The following TAC3 variants were observed in gnomAD, a reference collection of about 807,000 sequenced individuals.
TAC3 encodes tachykinin-3.
A neutral mutation model predicts 16.5 loss-of-function variants in TAC3; 9 were observed. The ratio of observed to expected loss-of-function variants is 0.55; its 90% confidence interval spans 0.33 to 0.95. TAC3 has a LOEUF of 0.95. Among genes scored for constraint, TAC3 ranks in the 40% least tolerant of loss-of-function variants. The pLI, the probability that TAC3 is intolerant of heterozygous loss-of-function variation, is 0.03. For missense variants in TAC3, 129 were observed against 149.1 expected (o/e 0.87, Z 0.70); for synonymous variants, 52 against 56.7 (o/e 0.92, Z 0.37).
intron 4 of TAC3, 177 bp from the exon 5 acceptor site, chr12:57,013,052 C>A: frequency 1.2e-6 from 1 of 842,892 alleles, no homozygotes. Context: ...GCTCACCTTT[C>A]CTTCCTCCAC....
At position 57,010,215 on chromosome 12, in the gene TAC3, G is replaced by A; in HGVS notation, c.*75C>T. ...GAACAGGGAAGAGAAAGGGTAACAGGAGCGTGCGCACCTGGGGATTGGGAC... is the reference window on the plus strand; with the variant it reads ...GAACAGGGAAGAGAAAGGGTAACAGAAGCGTGCGCACCTGGGGATTGGGAC... On this transcript the variant is annotated 3_prime_UTR_variant, in exon 7 of 7. Coordinates refer to ENST00000458521, the MANE Select transcript of TAC3 (RefSeq NM_013251.4). 2.2e-6 allele frequency: 1 copy of A among 454,072 alleles called. No individual in the cohort carries two copies. The highest frequency in any genetic ancestry group is 4.4e-6 in the Non-Finnish European group (1 of 226,782). 28.1% of individuals were successfully genotyped at this position (454,072 alleles called of 1,614,324 possible).
At chr12:57,013,219 G>T in intron 4 of TAC3, 140 bp downstream of exon 4, 1 of 1,133,160 alleles carries the variant, frequency 8.8e-7, no homozygotes, top group Non-Finnish European at 1.3e-6. Flanking sequence ...TCCCTTTCAG[G>T]AAAGGTTGGC....
rs1956276028 is a variant in TAC3, at chr12:57,010,015, C to A, written c.*275G>T. ...CACCACATCATTCATATGCAAAAATCCTTTATTGTTGAGGAATAGAGAGAG... is the reference window on the plus strand; with the variant it reads ...CACCACATCATTCATATGCAAAAATACTTTATTGTTGAGGAATAGAGAGAG... On this transcript the variant is annotated 3_prime_UTR_variant, in exon 7 of 7. Coordinates refer to ENST00000458521, the MANE Select transcript of TAC3 (RefSeq NM_013251.4). 2 of 417,956 alleles carry A rather than the reference C, an allele frequency of 4.8e-6. No homozygotes were observed. Among genetic ancestry groups the A allele is most frequent in the African/African-American group, 4.1e-5 (2 of 48,876 alleles). The allele number at this position is 417,956 out of a possible 1,614,324, so 25.9% of individuals were successfully genotyped here.
chr12:57,013,651 C>T lies in TAC3; in HGVS notation c.135G>A (p.Gln45=), dbSNP rs1450448609. 3.1e-6 allele frequency: 5 copies of T among 1,613,174 alleles called. No homozygotes were observed. In the African/African-American group the frequency reaches 5.3e-5, roughly 17 times the overall value. Residue 45 remains glutamine (Q), a synonymous_variant, in exon 3 of 7, where the codon CAG becomes CAA. Transcript: ENST00000458521. Reference sequence around the variant, plus strand: ...GGCTTTTGAAGAGTCTCTGGAGCAGCTGGTAGAGATCTGGATCCCTCTAGG... The same window carrying T: ...GGCTTTTGAAGAGTCTCTGGAGCAGTTGGTAGAGATCTGGATCCCTCTAGG... ...GRSKRDPDLY[Q]LLQRLFKSHS...
chr12:57,013,767 G>C (rs1956336549), intron 2 of TAC3, 96 bp from the exon 3 acceptor site: 2 of 997,138 alleles, frequency 2.0e-6, no homozygotes, highest in Non-Finnish European at 3.1e-6. Flanking sequence ...AGCCCATCCT[G>C]AATCCGACAC....
chr12:57,015,035 CT>C (rs1230448629), intron 2 of TAC3, among the ~76,000 whole-genome samples: 5 of 152,128 alleles, frequency 3.3e-5, no homozygotes, highest in Admixed American at 3.3e-4. Context: ...AATTCCTATT[CT>C]TTTTCGTAAA....
intron 6 of TAC3, chr12:57,012,045 C>A: frequency 2.9e-6 from 1 of 339,774 alleles, no homozygotes; most frequent in Non-Finnish European, 5.6e-6. Context: ...ATTTCTCCAT[C>A]TTTTTGCATA....
At chr12:57,012,236 G>C in intron 6 of TAC3, 142 bp downstream of exon 6, 1 of 762,568 alleles carries the variant, frequency 1.3e-6, no homozygotes, top group Non-Finnish European at 2.2e-6. Context: ...GTGTTTGGCC[G>C]ACAGTGTGCT....
chr12:57,012,693 G>C (rs772811818), intron 5 of TAC3, 129 bp downstream of exon 5: 2 of 1,613,002 alleles, frequency 1.2e-6, no homozygotes, highest in Admixed American at 3.3e-5. Context: ...GGATGAAGGG[G>C]CCGAGGAACC....
chr12:57,012,728 G>T (rs1423556957), intron 5 of TAC3, 94 bp downstream of exon 5: 1 of 1,613,476 alleles, frequency 6.2e-7, no homozygotes, highest in African/African-American at 1.3e-5. Flanking sequence ...GAAAGGTCCT[G>T]TCTTTCCCTC....
chr12:57,015,661 G>A (rs763104940), intron 2 of TAC3, 23 bp downstream of exon 2: 1 of 1,605,574 alleles, frequency 6.2e-7, no homozygotes, highest in Non-Finnish European at 8.5e-7. Flanking sequence ...GATGTCCCCA[G>A]TACTCTGCCA....
chr12:57,015,598 A>T, intron 2 of TAC3, 86 bp downstream of exon 2: 1 of 1,118,926 alleles, frequency 8.9e-7, no homozygotes, highest in Non-Finnish European at 1.3e-6. Context: ...CAACCCCCCC[A>T]CCCCAGTTTC....
intron 5 of TAC3, 179 bp downstream of exon 5, chr12:57,012,643 T>G: frequency 6.2e-7 from 1 of 1,613,128 alleles, no homozygotes; most frequent in East Asian, 2.2e-5. Context: ...TCTGCTCCTC[T>G]GTTCCCAGGG....
chr12:57,015,551 A>C, intron 2 of TAC3, 133 bp downstream of exon 2: 1 of 750,982 alleles, frequency 1.3e-6, no homozygotes, highest in Non-Finnish European at 2.3e-6. Flanking sequence ...CAGAGAAACA[A>C]AGAAATCCAA....
At chr12:57,013,818 G>T (rs1455979304) in intron 2 of TAC3, 147 bp from the exon 3 acceptor site, 1 of 722,800 alleles carries the variant, frequency 1.4e-6, no homozygotes, top group Non-Finnish European at 2.4e-6. Context: ...CACTGGACGA[G>T]AAGTAGGTGC....
In TAC3 at chr12:57,013,149, A is replaced by G. The variant is rs1448615913; in HGVS notation, c.238+210T>C. The G allele has an allele frequency of 6.8e-6, 5 of 731,902 alleles. No homozygotes were observed. In the African/African-American group the frequency reaches 8.8e-5, roughly 13 times the overall value. 45.3% of individuals were successfully genotyped at this position (731,902 alleles called of 1,614,324 possible). A position where few individuals can be genotyped will look rare whatever the true frequency, so the allele number is the denominator to read the frequency against. ...TCCCCTTGTTTTCCAAGGACCAGCC[A>G]GCAGAGGGAGAGCCCACCATGCCCC... On this transcript the variant is annotated intron_variant, in intron 4 of 6. Transcript: ENST00000458521.
At chr12:57,013,224 G>T in intron 4 of TAC3, 135 bp downstream of exon 4, 1 of 1,171,404 alleles carries the variant, frequency 8.5e-7, no homozygotes, top group Non-Finnish European at 1.3e-6. Context: ...TTCAGGAAAG[G>T]TTGGCTGAGC....
At chr12:57,014,116 G>A (rs980191718) in intron 2 of TAC3, among the ~76,000 whole-genome samples, 6 of 152,012 alleles carry the variant, frequency 3.9e-5, no homozygotes, top group African/African-American at 1.5e-4. Flanking sequence ...TTGGCCCTAG[G>A]TCTAGAATTC....
intron 5 of TAC3, 72 bp downstream of exon 5, chr12:57,012,750 A>G (rs746309581): frequency 3.5e-5 from 57 of 1,613,708 alleles, no homozygotes; most frequent in Non-Finnish European, 4.5e-5. Context: ...GGTGACAAAT[A>G]TGAGGCACGT....
Sources: gnomAD v4.1 joint callset for allele counts (sites outside exome capture counted in the v4.1 genomes callset) on GRCh38, gnomAD v4.1.1 for gene constraint, MANE v1.5 for transcripts, NCBI Gene and HGNC (gene_info 2026-07-23, HGNC 2026-07-21) for gene names.